IQSEC1: variants seen among roughly 807,000 people sequenced by gnomAD.
IQSEC1 encodes the protein IQ motif and Sec7 domain ArfGEF 1, also known as IQ motif and SEC7 domain-containing protein 1.
IQSEC1 carries 31 observed loss-of-function variants against 91.0 expected under a neutral mutation model. That is an observed-to-expected ratio of 0.34 (90% CI 0.26 to 0.46). The LOEUF (loss-of-function observed/expected upper bound fraction) is 0.46. Ranked by LOEUF, IQSEC1 falls within the 20% of genes least tolerant of loss-of-function variation. IQSEC1 has a pLI of 1.00. For synonymous variants in IQSEC1, 699 were observed against 662.6 expected, an observed-to-expected ratio of 1.05 and a Z score of -0.84; for missense variants, 1,388 against 1,575.6, an observed-to-expected ratio of 0.88 and a Z score of 2.02.
chr3:13,248,849 G>A (rs1695148246), intron 1 of IQSEC1, among the ~76,000 whole-genome samples: 1 of 152,180 alleles, frequency 6.6e-6, no homozygotes, highest in Non-Finnish European at 1.5e-5. Context: ...TCACCTGCCA[G>A]AGGTCACACA....
At chr3:13,050,370 C>G (rs1409223703) in intron 1 of IQSEC1, among the ~76,000 whole-genome samples, 1 of 152,014 alleles carries the variant, frequency 6.6e-6, no homozygotes, top group Admixed American at 6.6e-5. Flanking sequence ...CCCAGCAGTC[C>G]TGAATTTGGA....
chr3:13,158,860 G>A (rs141489578), intron 2 of IQSEC1, among the ~76,000 whole-genome samples: 1 of 152,192 alleles, frequency 6.6e-6, no homozygotes, highest in East Asian at 1.9e-4. Flanking sequence ...CACTCAGGAG[G>A]CTGAGGCACG....
At position 12,942,036 on chromosome 3, in the gene IQSEC1, C is replaced by CA. The variant is rs1698803909; in HGVS notation, c.24-172dup. On this transcript the variant is annotated intron_variant, in intron 1 of 13. Coordinates refer to ENST00000613206, the MANE Select transcript of IQSEC1 (RefSeq NM_001134382.3). Reference sequence around the variant, plus strand: ...CTGGCAGGACCCTGCAAAACCCCTCCACTCAGCACCCCACCCACTCGGGTT... The same window carrying CA: ...CTGGCAGGACCCTGCAAAACCCCTCCAACTCAGCACCCCACCCACTCGGGTT... Among the ~76,000 whole-genome samples, 5 of 152,320 alleles carry CA rather than the reference C, an allele frequency of 3.3e-5. No homozygotes were observed. The South Asian group carries it at 1.0e-3, about 32-fold the overall frequency.
intron 2 of IQSEC1, among the ~76,000 whole-genome samples, chr3:13,161,217 C>T (rs893280891): frequency 1.3e-5 from 2 of 152,028 alleles, no homozygotes; most frequent in South Asian, 2.1e-4. Context: ...GCTGTGGAAG[C>T]GCAGCTGCGC....
intron 1 of IQSEC1, among the ~76,000 whole-genome samples, chr3:13,275,039 G>T (rs1318446548): frequency 1.3e-5 from 2 of 152,248 alleles, no homozygotes; most frequent in Admixed American, 6.5e-5. Flanking sequence ...ACCTGGGTGT[G>T]AATCCCGCCG....
chr3:13,261,117 C>A (rs1194829347), intron 1 of IQSEC1, among the ~76,000 whole-genome samples: 2 of 152,206 alleles, frequency 1.3e-5, no homozygotes, highest in Admixed American at 6.5e-5. Flanking sequence ...ATCAGCCTGA[C>A]CAGCTATAGC....
At chr3:12,959,334 C>T (rs957339314) in intron 1 of IQSEC1, among the ~76,000 whole-genome samples, 4 of 152,180 alleles carry the variant, frequency 2.6e-5, no homozygotes, top group Admixed American at 6.5e-5. Context: ...CCCTGCGGAG[C>T]TTGAAGCTGA....
At chr3:13,192,989 A>T (rs28725176) in intron 1 of IQSEC1, among the ~76,000 whole-genome samples, 5,102 of 152,318 alleles carry the variant, frequency 0.033, 291 homozygotes, top group African/African-American at 0.12. Flanking sequence ...TCCCAGTGAC[A>T]GCAACAGGGG....
In IQSEC1 at chr3:12,901,187, GTGGTGGTGGTGGTGA is replaced by G. The variant is rs1391259341; in HGVS notation, c.3126_3140del (p.His1043_His1047del). 7 of 1,512,576 alleles carry G rather than the reference GTGGTGGTGGTGGTGA, an allele frequency of 4.6e-6. No individual in the cohort carries two copies. The highest frequency in any genetic ancestry group is 2.0e-5 in the Admixed American group (1 of 50,278). The allele number at this position is 1,512,576 out of a possible 1,614,324, so 93.7% of individuals were successfully genotyped here. The stretch of plus-strand genomic sequence containing the variant: ...GTGCGTGCTGGATGTGCTGGGGTGG[GTGGTGGTGGTGGTGA>G]TGGTGGTACGGGGGAGGGTTCTGCA... On this transcript the variant is annotated inframe_deletion, in exon 14 of 14. Coordinates refer to ENST00000613206, the MANE Select transcript of IQSEC1 (RefSeq NM_001134382.3).
chr3:12,987,780 C>T (rs895130831), intron 1 of IQSEC1, among the ~76,000 whole-genome samples: 4 of 152,204 alleles, frequency 2.6e-5, no homozygotes, highest in Admixed American at 2.0e-4. Context: ...GGGTGAAAGG[C>T]ATGAACAGGC....
intron 2 of IQSEC1, among the ~76,000 whole-genome samples, chr3:13,120,077 G>T (rs1706399276): frequency 6.6e-6 from 1 of 152,202 alleles, no homozygotes; most frequent in Non-Finnish European, 1.5e-5. Flanking sequence ...CACTCACCTG[G>T]CACAGGGACA....
intron 1 of IQSEC1, among the ~76,000 whole-genome samples, chr3:13,239,168 G>A (rs920913038): frequency 1.3e-5 from 2 of 152,238 alleles, no homozygotes; most frequent in African/African-American, 4.8e-5. Context: ...AATTAAAACT[G>A]GAAGCCGGCT....
intron 1 of IQSEC1, among the ~76,000 whole-genome samples, chr3:13,198,355 G>A (rs560805337): frequency 1.3e-5 from 2 of 152,192 alleles, no homozygotes; most frequent in African/African-American, 4.8e-5. Context: ...ATGGCCGTGG[G>A]CTGTCCCCCT....
chr3:13,043,661 T>C (rs1704373018), intron 1 of IQSEC1, among the ~76,000 whole-genome samples: 1 of 152,176 alleles, frequency 6.6e-6, no homozygotes, highest in Non-Finnish European at 1.5e-5. Context: ...TTCTCCTGAC[T>C]ACAAGCAACG....
At chr3:13,264,124 C>A (rs1695442344) in intron 1 of IQSEC1, among the ~76,000 whole-genome samples, 1 of 152,202 alleles carries the variant, frequency 6.6e-6, no homozygotes, top group South Asian at 2.1e-4. Context: ...GGCCACTGAC[C>A]CCAGCCAGCC....
At chr3:13,206,079 A>G (rs1251958572) in intron 1 of IQSEC1, among the ~76,000 whole-genome samples, 1 of 133,814 alleles carries the variant, frequency 7.5e-6, no homozygotes, top group Non-Finnish European at 1.6e-5. Context: ...CTATCTCTCC[A>G]TCCGGTCAAC....
intron 2 of IQSEC1, among the ~76,000 whole-genome samples, chr3:13,161,063 T>C (rs1388993328): frequency 6.6e-6 from 1 of 152,104 alleles, no homozygotes; most frequent in Non-Finnish European, 1.5e-5. Flanking sequence ...GGAAGGGATC[T>C]TCGGGGGGTG....
chr3:12,962,283 C>T (rs1412028050), intron 1 of IQSEC1, among the ~76,000 whole-genome samples: 1 of 152,236 alleles, frequency 6.6e-6, no homozygotes, highest in African/African-American at 2.4e-5. Flanking sequence ...CGTTTAATTG[C>T]TTTACATGTA....
intron 2 of IQSEC1, among the ~76,000 whole-genome samples, chr3:13,135,631 C>T (rs2124926644): frequency 6.6e-6 from 1 of 152,352 alleles, no homozygotes; most frequent in East Asian, 1.9e-4. Context: ...CTCCAGTGGG[C>T]TCCCAGGCAA....
Sources: gnomAD v4.1 joint callset for allele counts (sites outside exome capture counted in the v4.1 genomes callset) on GRCh38, gnomAD v4.1.1 for gene constraint, MANE v1.5 for transcripts, NCBI Gene and HGNC (gene_info 2026-07-23, HGNC 2026-07-21) for gene names.